Variants in DCC observed in about 807,000 individuals in gnomAD.
DCC encodes the protein DCC netrin 1 receptor.
Under a neutral mutation model 172.5 loss-of-function variants are expected in DCC, and 58 were observed. That is an observed-to-expected ratio of 0.34 (90% confidence interval 0.27 to 0.42). DCC has a LOEUF of 0.42. Ranked by LOEUF, DCC falls within the 10% of genes least tolerant of loss-of-function variation. DCC has a pLI of 1.00. For missense variants in DCC, 1,740 were observed against 1,791.0 expected (o/e 0.97, Z 0.51); for synonymous variants, 709 against 644.5 (o/e 1.10, Z -1.52).
At chr18:52,507,506 C>T (rs1598873873) in intron 1 of DCC, among the ~76,000 whole-genome samples, 1 of 152,098 alleles carries the variant, frequency 6.6e-6, no homozygotes, top group Non-Finnish European at 1.5e-5. Context: ...AAGAAAACTT[C>T]CAAAGAAACA....
intron 26 of DCC, among the ~76,000 whole-genome samples, chr18:53,489,796 A>AAAT (rs1276844766): frequency 6.6e-6 from 1 of 152,226 alleles, no homozygotes; most frequent in Non-Finnish European, 1.5e-5. Context: ...ACCTATCAGT[A>AAAT]AATAATATTT....
chr18:53,135,395 A>G (rs1384691806), intron 7 of DCC, among the ~76,000 whole-genome samples: 2 of 152,206 alleles, frequency 1.3e-5, no homozygotes, highest in Non-Finnish European at 2.9e-5. Context: ...ATAATAAGGG[A>G]AAGAATGCCA....
At chr18:52,447,155 G>T (rs950484295) in intron 1 of DCC, among the ~76,000 whole-genome samples, 1 of 152,134 alleles carries the variant, frequency 6.6e-6, no homozygotes, top group Non-Finnish European at 1.5e-5. Flanking sequence ...CTGCCTAAGG[G>T]TTTCAAAACA....
chr18:52,650,536 C>CTGTT (rs901944128), intron 1 of DCC, among the ~76,000 whole-genome samples: 1 of 151,460 alleles, frequency 6.6e-6, no homozygotes, highest in African/African-American at 2.4e-5. Context: ...TTTTTTTTGT[C>CTGTT]TGTTTGTTTG....
At chr18:53,280,952 T>G (rs1389378136) in intron 12 of DCC, among the ~76,000 whole-genome samples, 1 of 152,102 alleles carries the variant, frequency 6.6e-6, no homozygotes, top group Non-Finnish European at 1.5e-5. Flanking sequence ...TAATATGTAT[T>G]TATATAGAGA....
chr18:53,014,528 G>T (rs375163468), intron 5 of DCC, among the ~76,000 whole-genome samples: 3 of 145,878 alleles, frequency 2.1e-5, no homozygotes, highest in Non-Finnish European at 3.0e-5. Context: ...CTATGAGTGA[G>T]AACATGCAGT....
intron 27 of DCC, among the ~76,000 whole-genome samples, chr18:53,506,874 A>G (rs894900555): frequency 6.0e-5 from 9 of 151,164 alleles, no homozygotes; most frequent in African/African-American, 1.2e-4. Context: ...AAAAAAAAAA[A>G]AGGAGGAGGA....
chr18:53,149,422 T>C (rs1484284709), intron 7 of DCC, among the ~76,000 whole-genome samples: 1 of 152,174 alleles, frequency 6.6e-6, no homozygotes, highest in African/African-American at 2.4e-5. Flanking sequence ...GCTAAATACC[T>C]TTCCAAATAA....
At chr18:53,063,509 A>AT (rs746276795) in intron 6 of DCC, 50 bp downstream of exon 6, 5 of 1,388,940 alleles carry the variant, frequency 3.6e-6, no homozygotes, top group African/African-American at 3.1e-5. Context: ...ATTGTTTTCT[A>AT]TTTTTTTCAC....
intron 5 of DCC, among the ~76,000 whole-genome samples, chr18:53,010,902 A>T (rs1285410916): frequency 6.6e-6 from 1 of 151,228 alleles, no homozygotes; most frequent in African/African-American, 2.4e-5. Flanking sequence ...AGAAATAAGA[A>T]ATGTGAATAT....
chr18:53,144,312 A>G (rs1017171833), intron 7 of DCC, among the ~76,000 whole-genome samples: 8 of 152,158 alleles, frequency 5.3e-5, no homozygotes, highest in African/African-American at 1.7e-4. Context: ...TCCCATTTCA[A>G]TGGTGTATTA....
intron 19 of DCC, among the ~76,000 whole-genome samples, chr18:53,406,507 C>A (rs1425251026): frequency 6.6e-6 from 1 of 151,810 alleles, no homozygotes; most frequent in East Asian, 1.9e-4. Flanking sequence ...GAGTTCAAAA[C>A]CAGCCTGGCC....
intron 2 of DCC, among the ~76,000 whole-genome samples, chr18:52,866,860 A>C (rs942118308): frequency 8.5e-5 from 13 of 152,148 alleles, no homozygotes; most frequent in Non-Finnish European, 4.4e-5. Flanking sequence ...TCCTATTTGA[A>C]TACCCTTTAT....
chr18:52,855,259 C>T (rs1365364070), intron 2 of DCC, among the ~76,000 whole-genome samples: 2 of 152,160 alleles, frequency 1.3e-5, no homozygotes, highest in Non-Finnish European at 1.5e-5. Context: ...CTTAGAGCAT[C>T]TTCAACAAAG....
At position 53,511,468 on chromosome 18, in the gene DCC, G is replaced by A. The variant is rs113190381; in HGVS notation, c.4111+11958G>A. 5.5e-3 allele frequency among the ~76,000 whole-genome samples: 837 copies of A among 152,322 alleles called. 5 individuals are homozygous for A. The highest frequency in any genetic ancestry group is 0.019 in the African/African-American group (789 of 41,574). ...AGAGGGTCGAGAAGCCAAGATGGCC[G>A]AATAGGAACAGCTCCGGTCTACAGC... is the stretch of plus-strand genomic sequence containing the variant. On this transcript the variant is annotated intron_variant, in intron 27 of 28. Coordinates refer to ENST00000442544, the MANE Select transcript of DCC (RefSeq NM_005215.4).
chr18:52,676,850 T>G (rs2035654236), intron 1 of DCC, among the ~76,000 whole-genome samples: 1 of 152,204 alleles, frequency 6.6e-6, no homozygotes, highest in Admixed American at 6.5e-5. Context: ...GATCTTTTCC[T>G]GGAGATCATG....
chr18:52,894,567 G>T (rs1182879108), intron 2 of DCC, among the ~76,000 whole-genome samples: 1 of 151,752 alleles, frequency 6.6e-6, no homozygotes, highest in Admixed American at 6.6e-5. Context: ...TGATCACAAG[G>T]AATTGGCTCA....
chr18:52,773,549 C>T (rs894542785), intron 2 of DCC, among the ~76,000 whole-genome samples: 14 of 149,370 alleles, frequency 9.4e-5, no homozygotes, highest in African/African-American at 2.5e-4. Flanking sequence ...TATTTTGAGA[C>T]AGAGTCTCGC....
intron 12 of DCC, among the ~76,000 whole-genome samples, chr18:53,224,667 G>C (rs549915893): frequency 1.3e-5 from 2 of 152,216 alleles, no homozygotes; most frequent in East Asian, 1.9e-4. Flanking sequence ...GCTGGATCTA[G>C]AGCCAACAAA....
Sources: allele counts gnomAD v4.1 joint callset (sites outside exome capture counted in the v4.1 genomes callset), GRCh38; gene constraint gnomAD v4.1.1; transcripts MANE v1.5; gene names NCBI Gene and HGNC (gene_info 2026-07-23, HGNC 2026-07-21).